Variants in ATAD2B observed in about 807,000 individuals in gnomAD.
ATAD2B encodes ATPase family AAA domain containing 2B.
In ATAD2B, 40 loss-of-function variants were observed where a neutral mutation model predicts 167.6. The ratio of observed to expected loss-of-function variants is 0.24; its 90% CI spans 0.19 to 0.31. ATAD2B has a LOEUF of 0.31. Ranked by LOEUF, ATAD2B falls within the 10% of genes least tolerant of loss-of-function variation. The pLI, the probability that ATAD2B is intolerant of heterozygous loss-of-function variation, is 1.00. For synonymous variants in ATAD2B, 579 were observed against 596.5 expected (o/e 0.97, Z 0.43); for missense variants, 1,242 against 1,757.2 (o/e 0.71, Z 5.24).
At chr2:23,870,341 C>T (rs1366754531) in intron 8 of ATAD2B, among the ~76,000 whole-genome samples, 17 of 131,776 alleles carry the variant, frequency 1.3e-4, no homozygotes, top group African/African-American at 4.3e-4. Context: ...GGCTGGAGTG[C>T]GGTGGCAAGG....
chr2:23,722,474 C>A, the ATAD2B span, among the ~76,000 whole-genome samples: 45 of 152,198 alleles, frequency 3.0e-4, no homozygotes, highest in African/African-American at 1.0e-3. Context: ...GCTTTAACAA[C>A]AAACCAGACC....
At chr2:23,923,865 T>C (rs553727386) in intron 1 of ATAD2B, among the ~76,000 whole-genome samples, 158 of 152,062 alleles carry the variant, frequency 1.0e-3, no homozygotes, top group Middle Eastern at 6.8e-3. Flanking sequence ...GGGGGAAAAA[T>C]AGGCATCAAG....
chr2:23,890,261 C>A (rs66906968), intron 2 of ATAD2B, among the ~76,000 whole-genome samples: 18,380 of 151,662 alleles, frequency 0.12, 1,473 homozygotes, highest in Non-Finnish European at 0.16. Context: ...ACAAAAAAAA[C>A]CCTCATACTA....
rs756351978 is a variant in ATAD2B at position 23,786,110 on chromosome 2, G to T, written c.2890C>A (p.Arg964=). 1.9e-6 allele frequency: 3 copies of T among 1,610,690 alleles called. No homozygotes were observed. Among genetic ancestry groups the T allele is most frequent in the African/African-American group, 2.7e-5 (2 of 74,804 alleles). Residue 964 remains arginine (R), a synonymous_variant, in exon 21 of 28, where the codon CGG becomes AGG. Coordinates refer to ENST00000238789, the MANE Select transcript of ATAD2B (RefSeq NM_017552.4). ...DQEENTLREL[R]LFLRDVTKRL... is the part of the protein sequence containing the mutation. ...TTGGTTACATCCCTGAGAAACAACC[G>T]CAACTCTCTTAAAGTATTTTCCTCC...
At chr2:23,837,060 GT>G (rs1690102745) in intron 13 of ATAD2B, among the ~76,000 whole-genome samples, 1 of 152,176 alleles carries the variant, frequency 6.6e-6, no homozygotes, top group Non-Finnish European at 1.5e-5. Context: ...TGCCCAAGCT[GT>G]TCGTGCCAAG....
Position 23,927,039 on chromosome 2 carries a change from C to T in ATAD2B, c.-269G>A. 2.2e-6 allele frequency: 1 copy of T among 455,994 alleles called. No homozygotes were observed. Among genetic ancestry groups the T allele is most frequent in the Non-Finnish European group, 3.8e-6 (1 of 259,968 alleles). The allele number at this position is 455,994 out of a possible 1,614,324, so 28.2% of individuals were successfully genotyped here. Reference sequence around the variant, plus strand: ...TTCGCCCTCCTCAGCGGGAGCCGAGCGGAGCCGCCATTTCTACCCCTTTCT... The same window carrying T: ...TTCGCCCTCCTCAGCGGGAGCCGAGTGGAGCCGCCATTTCTACCCCTTTCT... On this transcript the variant is annotated 5_prime_UTR_variant, in exon 1 of 28. Transcript: ENST00000238789.
Position 23,798,265 on chromosome 2 carries a change from T to C in ATAD2B, c.2513A>G (p.Asp838Gly), listed in dbSNP as rs752259992. ...PSIVYMPHIG[D>G]WWEAVSETVR... ...AGTTTCACTGACAGCTTCCCACCAATCCCCAATGTGAGGCATGTAAACAAT... is the reference window on the plus strand; with the variant it reads ...AGTTTCACTGACAGCTTCCCACCAACCCCCAATGTGAGGCATGTAAACAAT... Residue 838 changes from aspartate (D) to glycine (G), a missense_variant, in exon 19 of 28, where the codon GAT (aspartate) becomes GGT (glycine). By Grantham distance (94) the Asp-to-Gly change is moderately conservative. This residue lies in a region of ATAD2B where 34 missense variants were observed against 101.1 expected (regional missense o/e 0.34). Transcript: ENST00000238789. The C allele has an allele frequency of 6.2e-7, 1 of 1,612,886 alleles. No individual in the cohort carries two copies. The highest frequency in any genetic ancestry group is 8.5e-7 in the Non-Finnish European group (1 of 1,179,380).
intron 13 of ATAD2B, chr2:23,856,231 T>G (rs1693389078): frequency 5.8e-6 from 1 of 171,166 alleles, no homozygotes; most frequent in South Asian, 1.3e-4. Flanking sequence ...TATTTTAAAC[T>G]TGGGATATTT....
the ATAD2B span, among the ~76,000 whole-genome samples, chr2:23,710,173 A>T: frequency 2.0e-5 from 3 of 152,358 alleles, no homozygotes; most frequent in Admixed American, 2.0e-4. Context: ...AAATATTTGC[A>T]GTCCATATGA....
At chr2:23,739,422 A>T in the ATAD2B span, among the ~76,000 whole-genome samples, 1 of 152,196 alleles carries the variant, frequency 6.6e-6, no homozygotes, top group Non-Finnish European at 1.5e-5. Context: ...AACTACATGG[A>T]AACTGAACAA....
At position 23,895,804 on chromosome 2, in the gene ATAD2B, G is replaced by A. The variant is rs750737809; in HGVS notation, c.368+15C>T. 1.3e-5 allele frequency: 20 copies of A among 1,579,024 alleles called. No individual in the cohort carries two copies. Among genetic ancestry groups the A allele is most frequent in the Admixed American group, 8.9e-5 (5 of 55,998 alleles). On this transcript the variant is annotated intron_variant, in intron 2 of 27. Transcript: ENST00000238789. ...TAATTTAAGAAAAAACAATCAATGA[G>A]TTCTCCTTTCTCACCTGGCCTGTCC...
At chr2:23,762,856 T>C (rs1232788015) in intron 23 of ATAD2B, among the ~76,000 whole-genome samples, 1 of 152,222 alleles carries the variant, frequency 6.6e-6, no homozygotes, top group Non-Finnish European at 1.5e-5. Context: ...TTATTTCTTC[T>C]ATGTGGTCCT....
chr2:23,874,664 C>T (rs941101678), intron 8 of ATAD2B, among the ~76,000 whole-genome samples: 11 of 150,788 alleles, frequency 7.3e-5, no homozygotes, highest in Admixed American at 1.3e-4. Context: ...GATCATAGCA[C>T]GCCTAGGTGA....
chr2:23,874,136 G>A (rs773980930), intron 8 of ATAD2B, among the ~76,000 whole-genome samples: 4 of 151,556 alleles, frequency 2.6e-5, no homozygotes, highest in South Asian at 2.1e-4. Context: ...GCAGTGAGCC[G>A]AGATCACGTC....
chr2:23,718,613 A>G, the ATAD2B span, among the ~76,000 whole-genome samples: 1 of 152,202 alleles, frequency 6.6e-6, no homozygotes, highest in Non-Finnish European at 1.5e-5. Flanking sequence ...GGAGAACTGT[A>G]TTAGTGTCCT....
At chr2:23,832,487 T>C (rs1049581419) in intron 14 of ATAD2B, 1 of 165,596 alleles carries the variant, frequency 6.0e-6, no homozygotes, top group African/African-American at 2.4e-5. Flanking sequence ...TAACTAAGAC[T>C]AAATAAAATT....
chr2:23,718,634 T>A, the ATAD2B span, among the ~76,000 whole-genome samples: 1 of 152,176 alleles, frequency 6.6e-6, no homozygotes, highest in African/African-American at 2.4e-5. Context: ...AGGATTGTTA[T>A]AAAAAATCAC....
In ATAD2B at chr2:23,771,360, C is replaced by T. The variant is rs950240555; in HGVS notation, c.3134-5732G>A. Among the ~76,000 whole-genome samples the T allele has an allele frequency of 2.6e-5, 4 of 152,142 alleles. No homozygotes were observed. In the East Asian group the frequency reaches 7.7e-4, roughly 29 times the overall value. The stretch of plus-strand genomic sequence containing the variant: ...TGATAGAAGTGGTAAGAGCAGACAT[C>T]CTGGTCATGTTTCTGATCTTAAGGA... On this transcript the variant is annotated intron_variant, in intron 22 of 27. Transcript: ENST00000238789.
chr2:23,875,971 T>C, intron 7 of ATAD2B, 67 bp from the exon 8 acceptor site: 2 of 1,158,016 alleles, frequency 1.7e-6, no homozygotes, highest in Non-Finnish European at 2.5e-6. Flanking sequence ...ATTAAAGGAG[T>C]AGAAATGACT....
Sources: allele counts gnomAD v4.1 joint callset (sites outside exome capture counted in the v4.1 genomes callset), GRCh38; gene constraint gnomAD v4.1.1; regional missense constraint gnomAD v4.1.1; transcripts MANE v1.5; gene names NCBI Gene and HGNC (gene_info 2026-07-23, HGNC 2026-07-21).